The following CHD8 variants were observed in gnomAD, a reference collection of about 807,000 sequenced individuals.
CHD8 encodes the protein chromodomain helicase DNA binding protein 8, also known as ATP-dependent chromatin remodeler CHD8.
A neutral mutation model predicts 279.2 loss-of-function variants in CHD8; 31 were observed. The observed-to-expected ratio is 0.11, with a 90% CI of 0.08 to 0.15. CHD8 has a LOEUF of 0.15. Among genes scored for constraint, CHD8 ranks in the 10% least tolerant of loss-of-function variants. The probability of loss-of-function intolerance (pLI) is 1.00; values close to 1 mark genes in which losing one functional copy is unlikely to be tolerated. For synonymous variants in CHD8, 1,081 were observed against 1,139.6 expected, an observed-to-expected ratio of 0.95 and a Z score of 1.04; for missense variants, 2,146 against 3,230.5, an observed-to-expected ratio of 0.66 and a Z score of 8.14.
intron 26 of CHD8, 99 bp from the exon 27 acceptor site, chr14:21,398,051 C>T: frequency 8.8e-7 from 1 of 1,142,328 alleles, no homozygotes; most frequent in South Asian, 1.7e-5. Context: ...TTCTATATTG[C>T]TCATAATGGA....
At chr14:21,417,833 G>T (rs1033281662) in intron 5 of CHD8, among the ~76,000 whole-genome samples, 1 of 137,244 alleles carries the variant, frequency 7.3e-6, no homozygotes, top group Non-Finnish European at 1.5e-5. Context: ...CAGCCTGGGA[G>T]ACACAGTGAG....
intron 1 of CHD8, among the ~76,000 whole-genome samples, chr14:21,454,172 G>GAAAAGAAAAGAAAAGAA (rs1890326111): frequency 8.9e-6 from 1 of 112,118 alleles, no homozygotes; most frequent in African/African-American, 5.3e-5. Flanking sequence ...AAAAAGAAAA[G>GAAAAGAAAAGAAAAGAA]AAAAGAAAAG....
chr14:21,414,863 AC>A (rs2139497072), intron 8 of CHD8, 74 bp downstream of exon 8: 2 of 1,101,680 alleles, frequency 1.8e-6, no homozygotes, highest in South Asian at 2.7e-5. Context: ...ACACATTCCC[AC>A]CCAGGATACC....
At position 21,431,879 on chromosome 14, in the gene CHD8, CA is replaced by C. The variant is rs1460091664; in HGVS notation, c.-215-22del. On this transcript the variant is annotated intron_variant, in intron 1 of 37. Transcript: ENST00000646647. ...AACTCCTGTTGTAGGAATACAAATA[CA>C]AATGAAAAATAGGCAAAGTTGGCGA... is the stretch of plus-strand genomic sequence containing the variant. 3.8e-6 allele frequency: 6 copies of C among 1,566,872 alleles called. No homozygotes were observed. In the African/African-American group the frequency reaches 8.1e-5, roughly 21 times the overall value.
chr14:21,425,796 C>T (rs930309002), intron 5 of CHD8: 4 of 213,884 alleles, frequency 1.9e-5, no homozygotes, highest in Admixed American at 5.9e-5. Context: ...ATTAGCTGGG[C>T]GTGGTGGTGC....
chr14:21,437,274 C>G, intron 1 of CHD8: 1 of 1,150,572 alleles, frequency 8.7e-7, no homozygotes, highest in Non-Finnish European at 1.1e-6. Flanking sequence ...GCAACCTAAC[C>G]TGATGCTCCT....
At position 21,403,237 on chromosome 14, in the gene CHD8, A is replaced by C. The variant is rs1888110057; in HGVS notation, c.3519-25T>G. On this transcript the variant is annotated intron_variant, in intron 17 of 37. Transcript: ENST00000646647. This position sits in a 1 kb window ranked among gnomAD's most constrained non-coding sequence, Gnocchi z 4.3. ...CCTGTATGGGAATCGCAGAAAAAAA[A>C]TGTAAGTGGCTAAGCAGAAGTGGAG... The C allele has an allele frequency of 1.2e-6, 2 of 1,607,188 alleles. No homozygotes were observed. The highest frequency in any genetic ancestry group is 1.3e-5 in the African/African-American group (1 of 74,736).
intron 7 of CHD8, 60 bp downstream of exon 7, chr14:21,415,514 T>TAAAC: frequency 1.1e-6 from 1 of 893,212 alleles, no homozygotes; most frequent in Non-Finnish European, 1.5e-6. Context: ...CAAAAATAAA[T>TAAAC]AAATAAATAA....
In CHD8 at chr14:21,401,016, G is replaced by A; in HGVS notation, c.4229C>T (p.Thr1410Ile). 1 of 1,613,858 alleles carries A rather than the reference G, an allele frequency of 6.2e-7. No homozygotes were observed. The highest frequency in any genetic ancestry group is 1.7e-4 in the Middle Eastern group (1 of 6,060). The change falls in exon 22 of 38, where the codon ACT (threonine) becomes ATT (isoleucine). Residue 1410 changes from threonine (T) to isoleucine (I), a missense_variant. Thr to Ile is a moderately conservative substitution (Grantham distance 89). This residue lies in a region of CHD8 where 74 missense variants were observed against 91.5 expected (regional missense o/e 0.81). Transcript: ENST00000646647. ...RVRKQTRHFS[T>I]LKDDDLVEFS... The stretch of plus-strand genomic sequence containing the variant: ...TTCCACCAGGTCATCATCTTTCAGA[G>A]TGCTAAAGTGGCGCGTTTGTTTTCG...
In CHD8 at chr14:21,399,595, T is replaced by C. The variant is rs375587003; in HGVS notation, c.4921+7A>G. ...CGGAAAGGAGTAGAATAGGAGAAGA[T>C]ACGTACCATGTTTAAAGACTCCAAT... On this transcript the variant is annotated splice_region_variant and intron_variant, in intron 26 of 37. Coordinates refer to ENST00000646647, the MANE Select transcript of CHD8 (RefSeq NM_001170629.2). The C allele has an allele frequency of 5.3e-4, 848 of 1,598,422 alleles. 3 individuals carry two copies. Among genetic ancestry groups the C allele is most frequent in the Middle Eastern group, 5.0e-4 (3 of 6,034 alleles).
chr14:21,430,776 C>T (rs779584726), intron 2 of CHD8, 25 bp downstream of exon 2: 1 of 1,518,092 alleles, frequency 6.6e-7, no homozygotes, highest in Non-Finnish European at 8.9e-7. Context: ...AACCAAAATT[C>T]ACCTCCCCCT....
chr14:21,434,404 G>A (rs1889691700), intron 1 of CHD8, among the ~76,000 whole-genome samples: 1 of 152,038 alleles, frequency 6.6e-6, no homozygotes, highest in African/African-American at 2.4e-5. Flanking sequence ...TTATTCCATG[G>A]AGTATTTTGT....
rs554884235 is a variant in CHD8 at position 21,417,787 on chromosome 14, G to A, written c.1717-1880C>T. ...GAGAATGGCGTGAACCTGGGAGGTGGAGCTTGCAGTGAGCCGAGATCGCGC... is the reference window on the plus strand; with the variant it reads ...GAGAATGGCGTGAACCTGGGAGGTGAAGCTTGCAGTGAGCCGAGATCGCGC... On this transcript the variant is annotated intron_variant, in intron 5 of 37. Coordinates refer to ENST00000646647, the MANE Select transcript of CHD8 (RefSeq NM_001170629.2). Among the ~76,000 whole-genome samples, 513 of 149,746 alleles carry A rather than the reference G, an allele frequency of 3.4e-3. 4 individuals are homozygous for A. The highest frequency in any genetic ancestry group is 0.012 in the African/African-American group (499 of 40,622).
At position 21,403,175 on chromosome 14, in the gene CHD8, T is replaced by G; in HGVS notation, c.3556A>C (p.Asn1186His). ...YERIDGRVRG[N>H]LRQAAIDRFS... Reference sequence around the variant, plus strand: ...CGGTCAATGGCAGCCTGTCGAAGGTTGCCTCTAACTCGCCCATCAATACGT... The same window carrying G: ...CGGTCAATGGCAGCCTGTCGAAGGTGGCCTCTAACTCGCCCATCAATACGT... Residue 1186 changes from asparagine to histidine, a missense_variant, in exon 18 of 38, where the codon AAC (asparagine) becomes CAC (histidine). Physicochemically the swap from Asn to His is moderately conservative, Grantham distance 68 (BLOSUM62 1). This residue lies in a region of CHD8 where 48 missense variants were observed against 135.7 expected (regional missense o/e 0.35). Coordinates refer to ENST00000646647, the MANE Select transcript of CHD8 (RefSeq NM_001170629.2). The surrounding 1 kb of genome is among the most constrained non-coding windows in gnomAD (Gnocchi z 4.3). 1.2e-6 allele frequency: 2 copies of G among 1,613,920 alleles called. No homozygotes were observed. The highest frequency in any genetic ancestry group is 1.7e-6 in the Non-Finnish European group (2 of 1,179,860).
chr14:21,394,526 C>T, intron 30 of CHD8, 41 bp from the exon 31 acceptor site: 1 of 1,227,320 alleles, frequency 8.1e-7, no homozygotes, highest in Non-Finnish European at 1.1e-6. Context: ...CAGAAGAACA[C>T]ATCAGAAGAA....
At chr14:21,440,897 G>C (rs113603554) in intron 1 of CHD8, among the ~76,000 whole-genome samples, 2,593 of 152,258 alleles carry the variant, frequency 0.017, 77 homozygotes, top group African/African-American at 0.058. Context: ...GGAGGCTGCT[G>C]AGACCAGAAA....
intron 21 of CHD8, 121 bp from the exon 22 acceptor site, chr14:21,401,192 A>C: frequency 1.1e-6 from 1 of 910,558 alleles, no homozygotes; most frequent in Non-Finnish European, 1.6e-6. Flanking sequence ...GATTTTTTTA[A>C]ATGACATGTA....
In CHD8 at chr14:21,393,675, G is replaced by C; in HGVS notation, c.6120C>G (p.Asp2040Glu). ...CAGAGGGGGATACTCGCATCTCATA[G>C]TCTTGTGGGGTTGGTCGGCTCCTGG... ...VVARSRPTPQ[D>E]YEMRVSPSDT... is the part of the protein sequence containing the mutation. The change falls in exon 32 of 38, where the codon GAC (aspartate) becomes GAG (glutamate). Residue 2040 changes from aspartate (D) to glutamate (E), a missense_variant. Coordinates refer to ENST00000646647, the MANE Select transcript of CHD8 (RefSeq NM_001170629.2). The C allele has an allele frequency of 6.2e-7, 1 of 1,614,006 alleles. No individual in the cohort carries two copies. Among genetic ancestry groups the C allele is most frequent in the Non-Finnish European group, 8.5e-7 (1 of 1,179,892 alleles).
chr14:21,387,944 G>A (rs1488979981), intron 37 of CHD8, among the ~76,000 whole-genome samples: 2 of 152,042 alleles, frequency 1.3e-5, no homozygotes, highest in African/African-American at 2.4e-5. Flanking sequence ...AGGTAACAGT[G>A]AAGGAAAAGC....
Sources: allele counts gnomAD v4.1 joint callset (sites outside exome capture counted in the v4.1 genomes callset), GRCh38; gene constraint gnomAD v4.1.1; regional missense constraint gnomAD v4.1.1; non-coding constraint Gnocchi (gnomAD v3.1); transcripts MANE v1.5; gene names NCBI Gene and HGNC (gene_info 2026-07-23, HGNC 2026-07-21).